The following AIG1 variants were observed in gnomAD, a reference collection of about 807,000 sequenced individuals.
The protein encoded by AIG1 is androgen induced 1.
A neutral mutation model predicts 31.4 loss-of-function variants in AIG1; 23 were observed. That is an observed-to-expected ratio of 0.73 (90% CI 0.53 to 1.04). AIG1 has a LOEUF of 1.04. Ranked by LOEUF, AIG1 falls within the 50% of genes least tolerant of loss-of-function variation. The pLI, the probability that AIG1 is intolerant of heterozygous loss-of-function variation, is 0.00. For synonymous variants in AIG1, 100 were observed against 110.5 expected (o/e 0.90, Z 0.60); for missense variants, 274 against 295.0 (o/e 0.93, Z 0.52).
intron 3 of AIG1, among the ~76,000 whole-genome samples, chr6:143,218,092 A>G (rs1468518089): frequency 1.3e-5 from 2 of 152,210 alleles, no homozygotes; most frequent in Non-Finnish European, 2.9e-5. Flanking sequence ...GAATTCACTT[A>G]CTTGTCTTTT....
chr6:143,118,724 G>T (rs1781964134), intron 1 of AIG1, among the ~76,000 whole-genome samples: 1 of 152,124 alleles, frequency 6.6e-6, no homozygotes, highest in African/African-American at 2.4e-5. Flanking sequence ...GTTGCCTTAT[G>T]ACTGATAGTG....
intron 1 of AIG1, among the ~76,000 whole-genome samples, chr6:143,076,314 A>T (rs1057165453): frequency 6.6e-6 from 1 of 152,206 alleles, no homozygotes; most frequent in Non-Finnish European, 1.5e-5. Flanking sequence ...TCACTATAAA[A>T]TGTTCTTATT....
chr6:143,181,829 G>A (rs940540333), intron 3 of AIG1, among the ~76,000 whole-genome samples: 1 of 152,030 alleles, frequency 6.6e-6, no homozygotes, highest in Non-Finnish European at 1.5e-5. Context: ...GAAGATGTGA[G>A]ACGGCCATAG....
chr6:143,321,547 G>A (rs190575324), intron 4 of AIG1, among the ~76,000 whole-genome samples: 7 of 152,010 alleles, frequency 4.6e-5, no homozygotes, highest in African/African-American at 7.2e-5. Context: ...GCAGTGAGCC[G>A]AGGTCACTTG....
chr6:143,060,576 C>T (rs1261877070), upstream of AIG1: 5 of 385,716 alleles, frequency 1.3e-5, no homozygotes, highest in Non-Finnish European at 2.8e-5. Flanking sequence ...GAGGTCGCAT[C>T]CACACCTGGG....
chr6:143,296,077 G>T (rs890967048), intron 4 of AIG1, among the ~76,000 whole-genome samples: 1 of 151,344 alleles, frequency 6.6e-6, no homozygotes, highest in Non-Finnish European at 1.5e-5. Flanking sequence ...ACCCACACAC[G>T]CACACACATA....
intron 3 of AIG1, among the ~76,000 whole-genome samples, chr6:143,184,336 C>T (rs1290125676): frequency 3.3e-5 from 5 of 152,224 alleles, no homozygotes; most frequent in African/African-American, 1.2e-4. Context: ...TTCACTCTCT[C>T]CCATGATTTC....
At chr6:143,322,462 A>G (rs75083311) in intron 4 of AIG1, among the ~76,000 whole-genome samples, 1,813 of 152,228 alleles carry the variant, frequency 0.012, 38 homozygotes, top group African/African-American at 0.042. Context: ...GAAAGAACAC[A>G]TGTTCCCTAC....
intron 3 of AIG1, among the ~76,000 whole-genome samples, chr6:143,229,551 C>G (rs1793273356): frequency 6.6e-6 from 1 of 152,134 alleles, no homozygotes; most frequent in Non-Finnish European, 1.5e-5. Flanking sequence ...ATCATTAATG[C>G]TACCACACCC....
intron 4 of AIG1, among the ~76,000 whole-genome samples, chr6:143,313,193 C>T (rs1775452466): frequency 6.6e-6 from 1 of 152,036 alleles, no homozygotes. Flanking sequence ...ATCCAGGAAT[C>T]CCACTGCTAG....
intron 3 of AIG1, among the ~76,000 whole-genome samples, chr6:143,208,122 A>G (rs1178134458): frequency 6.6e-6 from 1 of 152,202 alleles, no homozygotes; most frequent in Admixed American, 6.5e-5. Context: ...GCCTCCTTGA[A>G]TGTTCCAGTG....
In AIG1 at chr6:143,069,658, T is replaced by C. The variant is rs148224945; in HGVS notation, c.141+8592T>C. Among the ~76,000 whole-genome samples, 116 of 152,304 alleles carry C rather than the reference T, an allele frequency of 7.6e-4. No individual in the cohort carries two copies. The East Asian group carries it at 0.02, about 26-fold the overall frequency. ...TTTGCCCATTTAAAAAATACTGGGTTGTTTTATTATTATTAAGCTTTGAGA... is the reference window on the plus strand; with the variant it reads ...TTTGCCCATTTAAAAAATACTGGGTCGTTTTATTATTATTAAGCTTTGAGA... On this transcript the variant is annotated intron_variant, in intron 1 of 5. Transcript: ENST00000357847.
chr6:143,290,698 T>C (rs572834401), intron 4 of AIG1, among the ~76,000 whole-genome samples: 5 of 152,160 alleles, frequency 3.3e-5, no homozygotes, highest in Non-Finnish European at 7.4e-5. Context: ...AGAGAGGCAG[T>C]TTTAACAACA....
intron 1 of AIG1, among the ~76,000 whole-genome samples, chr6:143,066,512 A>G (rs1242125889): frequency 6.6e-5 from 10 of 152,236 alleles, no homozygotes; most frequent in Admixed American, 5.9e-4. Flanking sequence ...ACCTCAAGTG[A>G]TCTGTCTGCA....
intron 3 of AIG1, among the ~76,000 whole-genome samples, chr6:143,231,585 C>T (rs903141238): frequency 2.0e-5 from 3 of 152,088 alleles, no homozygotes; most frequent in Non-Finnish European, 2.9e-5. Context: ...GCCACAAATG[C>T]AATGCAAACC....
intron 3 of AIG1, among the ~76,000 whole-genome samples, chr6:143,275,947 T>G (rs759669230): frequency 3.9e-5 from 6 of 152,168 alleles, no homozygotes; most frequent in Non-Finnish European, 8.8e-5. Context: ...AGCATCCCAG[T>G]CACAAAAAGA....
At chr6:143,294,233 C>G (rs1798265941) in intron 4 of AIG1, among the ~76,000 whole-genome samples, 1 of 152,224 alleles carries the variant, frequency 6.6e-6, no homozygotes, top group South Asian at 2.1e-4. Context: ...TCTGAACACA[C>G]TGTAGTCCTA....
At chr6:143,218,678 C>G (rs1042401113) in intron 3 of AIG1, among the ~76,000 whole-genome samples, 1 of 152,042 alleles carries the variant, frequency 6.6e-6, no homozygotes, top group African/African-American at 2.4e-5. Context: ...TACAAGATGG[C>G]GATTCTTAAA....
chr6:143,200,999 C>T (rs1008521868), intron 3 of AIG1, among the ~76,000 whole-genome samples: 7 of 152,106 alleles, frequency 4.6e-5, no homozygotes, highest in African/African-American at 1.7e-4. Flanking sequence ...CCACATCCCT[C>T]CCAAACCTAT....
Sources: allele counts gnomAD v4.1 joint callset (sites outside exome capture counted in the v4.1 genomes callset), GRCh38; gene constraint gnomAD v4.1.1; transcripts MANE v1.5; gene names NCBI Gene and HGNC (gene_info 2026-07-23, HGNC 2026-07-21).